CMIP: variants seen among roughly 807,000 people sequenced by gnomAD.
CMIP encodes C-Maf-inducing protein.
Under a neutral mutation model 97.3 loss-of-function variants are expected in CMIP, and 13 were observed. The ratio of observed to expected loss-of-function variants is 0.13; its 90% CI spans 0.09 to 0.21. The LOEUF is 0.21. Among genes scored for constraint, CMIP ranks in the 10% least tolerant of loss-of-function variants. The pLI, the probability that CMIP is intolerant of heterozygous loss-of-function variation, is 1.00. For missense variants in CMIP, 847 were observed against 1,024.9 expected, an observed-to-expected ratio of 0.83 and a Z score of 2.37; for synonymous variants, 538 against 436.3, an observed-to-expected ratio of 1.23 and a Z score of -2.91.
rs370705622 is a variant in CMIP at position 81,495,466 on chromosome 16, T to A, written c.300+49925T>A. 2.5e-6 allele frequency: 4 copies of A among 1,612,812 alleles called. No homozygotes were observed. The African/African-American group carries it at 5.3e-5, about 22-fold the overall frequency. ...GAAGTTACAGATCTCCGCCCTGGCG[T>A]CCGGGGAAGGATGGGACAGGCTGCT... On this transcript the variant is annotated intron_variant, in intron 1 of 20. Transcript: ENST00000537098.
chr16:81,572,841 G>C lies in CMIP; in HGVS notation c.301-34726G>C, dbSNP rs552736411. ...GGTGCCCACCCTGCTAGCCTGCCTG[G>C]GACTTCCCCAGCATTAGCACCAGCA... On this transcript the variant is annotated intron_variant, in intron 1 of 20. Transcript: ENST00000537098. Among the ~76,000 whole-genome samples the C allele has an allele frequency of 7.2e-5, 11 of 152,202 alleles. No individual in the cohort carries two copies. In the South Asian group the frequency reaches 2.3e-3, roughly 32 times the overall value.
intron 1 of CMIP, among the ~76,000 whole-genome samples, chr16:81,552,571 A>C (rs1362138019): frequency 6.6e-6 from 1 of 152,018 alleles, no homozygotes; most frequent in East Asian, 1.9e-4. Flanking sequence ...CCTGTGTACC[A>C]TCTCCCAGCC....
In CMIP at chr16:81,710,092, G is replaced by C. The variant is rs1221201800; in HGVS notation, c.*293G>C. ...GGGGAGGGGTTTGGGGGTGGGCTGG[G>C]GGGTGGGGGACCCTTTGTGGATTTT... On this transcript the variant is annotated 3_prime_UTR_variant, in exon 21 of 21. Coordinates refer to ENST00000537098, the MANE Select transcript of CMIP (RefSeq NM_198390.3). The C allele has an allele frequency of 3.0e-6, 1 of 329,096 alleles. No individual in the cohort carries two copies. The highest frequency in any genetic ancestry group is 5.0e-5 in the South Asian group (1 of 20,002). 20.4% of individuals were successfully genotyped at this position (329,096 alleles called of 1,614,324 possible). A position where few individuals can be genotyped will look rare whatever the true frequency, so the allele number is the denominator to read the frequency against.
At position 81,478,954 on chromosome 16, in the gene CMIP, C is replaced by G. The variant is rs184537271; in HGVS notation, c.300+33413C>G. ...GAGCTCAGTTGGAGACCCGTCCTCA[C>G]CCGAAGCAGGGTGAGAGGACAGCAC... is the stretch of plus-strand genomic sequence containing the variant. On this transcript the variant is annotated intron_variant, in intron 1 of 20. Coordinates refer to ENST00000537098, the MANE Select transcript of CMIP (RefSeq NM_198390.3). Among the ~76,000 whole-genome samples the G allele has an allele frequency of 2.0e-5, 3 of 152,320 alleles. No individual in the cohort carries two copies. In the East Asian group the frequency reaches 5.8e-4, roughly 29 times the overall value.
chr16:81,637,100 C>T (rs1266812343), intron 3 of CMIP, among the ~76,000 whole-genome samples: 1 of 151,962 alleles, frequency 6.6e-6, no homozygotes, highest in Non-Finnish European at 1.5e-5. Flanking sequence ...GACAGAGTTT[C>T]GCTCTTGTTG....
intron 6 of CMIP, among the ~76,000 whole-genome samples, chr16:81,663,284 A>C (rs893918060): frequency 1.4e-5 from 2 of 140,762 alleles, no homozygotes; most frequent in Admixed American, 1.4e-4. Context: ...GTAACAATGC[A>C]GTGTTATTCA....
At chr16:81,521,120 C>T (rs2090017564) in intron 1 of CMIP, among the ~76,000 whole-genome samples, 1 of 152,170 alleles carries the variant, frequency 6.6e-6, no homozygotes, top group South Asian at 2.1e-4. Flanking sequence ...AGGAGGAGGG[C>T]TTTTATACCA....
intron 1 of CMIP, among the ~76,000 whole-genome samples, chr16:81,479,451 G>C (rs566223906): frequency 6.6e-6 from 1 of 152,182 alleles, no homozygotes; most frequent in South Asian, 2.1e-4. Flanking sequence ...TCCATCTCCA[G>C]AACTTTCTCA....
At chr16:81,552,737 T>C (rs1327336834) in intron 1 of CMIP, among the ~76,000 whole-genome samples, 2 of 152,206 alleles carry the variant, frequency 1.3e-5, no homozygotes, top group African/African-American at 4.8e-5. Flanking sequence ...GGCGAAGACA[T>C]AGACATCTTT....
intron 1 of CMIP, among the ~76,000 whole-genome samples, chr16:81,486,166 C>T (rs754495000): frequency 5.9e-5 from 9 of 152,166 alleles, no homozygotes; most frequent in African/African-American, 1.9e-4. Flanking sequence ...CTCACATGAA[C>T]GGGCTTAGGG....
chr16:81,447,318 G>T (rs1905919178), intron 1 of CMIP, among the ~76,000 whole-genome samples: 1 of 151,532 alleles, frequency 6.6e-6, no homozygotes, highest in Admixed American at 6.6e-5. Flanking sequence ...AAGGAACAGT[G>T]ACCTGCCATG....
At chr16:81,445,630 C>A in intron 1 of CMIP, 89 bp downstream of exon 1, 2 of 1,394,528 alleles carry the variant, frequency 1.4e-6, no homozygotes, top group Non-Finnish European at 1.9e-6. Flanking sequence ...GCACCTGGAG[C>A]CCAGGGCCTG....
chr16:81,621,061 C>T lies in CMIP; in HGVS notation c.477+135C>T. 9.6e-7 allele frequency: 1 copy of T among 1,045,606 alleles called. No homozygotes were observed. The allele number at this position is 1,045,606 out of a possible 1,614,324, so 64.8% of individuals were successfully genotyped here. On this transcript the variant is annotated intron_variant, in intron 3 of 20. Coordinates refer to ENST00000537098, the MANE Select transcript of CMIP (RefSeq NM_198390.3). This position sits in a 1 kb window ranked among gnomAD's most constrained non-coding sequence, Gnocchi z 4.1. ...TGGCTCAGCTGAGGAACTTTGTTCC[C>T]CTACCTAAGAGCCCCTGGCCCTTCG...
intron 3 of CMIP, among the ~76,000 whole-genome samples, chr16:81,625,686 C>T (rs1374066597): frequency 6.6e-6 from 1 of 152,204 alleles, no homozygotes; most frequent in Non-Finnish European, 1.5e-5. Context: ...GTGAACAGGC[C>T]CAGGTGACAG....
intron 1 of CMIP, among the ~76,000 whole-genome samples, chr16:81,545,224 C>G (rs1478908731): frequency 6.6e-6 from 1 of 152,170 alleles, no homozygotes; most frequent in Non-Finnish European, 1.5e-5. Flanking sequence ...GACAGGCTGA[C>G]CACAGGTACT....
At chr16:81,613,830 C>T (rs962093784) in intron 2 of CMIP, among the ~76,000 whole-genome samples, 3 of 152,214 alleles carry the variant, frequency 2.0e-5, no homozygotes, top group African/African-American at 4.8e-5. Flanking sequence ...GACTGTCCAT[C>T]TGTCTTATCT....
chr16:81,589,613 A>C (rs563245074), intron 1 of CMIP, among the ~76,000 whole-genome samples: 1 of 152,286 alleles, frequency 6.6e-6, no homozygotes, highest in South Asian at 2.1e-4. Flanking sequence ...CATGCATGGC[A>C]AGAAAAATCC....
intron 1 of CMIP, among the ~76,000 whole-genome samples, chr16:81,492,835 G>T (rs1212997230): frequency 6.6e-6 from 1 of 152,054 alleles, no homozygotes; most frequent in Non-Finnish European, 1.5e-5. Context: ...GAGAAATGGG[G>T]AGTAAAGGGA....
intron 1 of CMIP, among the ~76,000 whole-genome samples, chr16:81,589,276 T>C (rs1363562297): frequency 1.3e-5 from 2 of 152,066 alleles, no homozygotes; most frequent in African/African-American, 2.4e-5. Flanking sequence ...TTTCTGTTTT[T>C]AGTAGAGACG....
Sources: allele counts gnomAD v4.1 joint callset (sites outside exome capture counted in the v4.1 genomes callset), GRCh38; gene constraint gnomAD v4.1.1; non-coding constraint Gnocchi (gnomAD v3.1); transcripts MANE v1.5; gene names NCBI Gene and HGNC (gene_info 2026-07-23, HGNC 2026-07-21).